Variants in ASPA observed in about 807,000 individuals in gnomAD.
ASPA encodes aspartoacylase.
A neutral mutation model predicts 29.6 loss-of-function variants in ASPA; 25 were observed. The ratio of observed to expected loss-of-function variants is 0.85; its 90% CI spans 0.62 to 1.18. The LOEUF (loss-of-function observed/expected upper bound fraction) is 1.18, where lower values mean the gene tolerates loss of function less well. ASPA is among the 50% of genes most tolerant of loss of function. ASPA has a pLI of 0.00. For missense variants in ASPA, 333 were observed against 385.7 expected (o/e 0.86, Z 1.14); for synonymous variants, 131 against 130.3 (o/e 1.01, Z -0.04).
At chr17:3,475,978 G>A (rs78603097), upstream of ASPA, 656 of 618,336 alleles carry the variant, frequency 1.1e-3, 5 homozygotes, top group East Asian at 0.017. Context: ...AAAGAAGGGA[G>A]TGTCCATAAA....
Position 3,502,928 on chromosome 17 carries a change from G to A in ASPA, c.*3840G>A, listed in dbSNP as rs2150767646. The A allele has an allele frequency of 6.6e-6, 1 of 152,324 alleles. No individual in the cohort carries two copies. Among genetic ancestry groups the A allele is most frequent in the East Asian group, 1.9e-4 (1 of 5,178 alleles). 9.4% of individuals were successfully genotyped at this position (152,324 alleles called of 1,614,324 possible). A position where few individuals can be genotyped will look rare whatever the true frequency, so the allele number is the denominator to read the frequency against. Reference sequence around the variant, plus strand: ...AACAACAGGGCACTGGACACACATAGAAATGTGACCCACAGCTATGGTTTG... The same window carrying A: ...AACAACAGGGCACTGGACACACATAAAAATGTGACCCACAGCTATGGTTTG... On this transcript the variant is annotated 3_prime_UTR_variant, in exon 6 of 6. Transcript: ENST00000263080.
At chr17:3,489,468 C>A in intron 4 of ASPA, 126 bp downstream of exon 4, 1 of 761,006 alleles carries the variant, frequency 1.3e-6, no homozygotes, top group Non-Finnish European at 2.3e-6. Context: ...TTCACTTCAG[C>A]TATTCCCCAA....
chr17:3,481,569 ATGT>A (rs2073627135), intron 1 of ASPA, 31 bp from the exon 2 acceptor site: 1 of 1,575,974 alleles, frequency 6.3e-7, no homozygotes, highest in South Asian at 1.1e-5. Context: ...TCAGGCACAG[ATGT>A]TGTTCATCTT....
intron 3 of ASPA, among the ~76,000 whole-genome samples, chr17:3,483,796 G>A (rs2073675046): frequency 6.6e-6 from 1 of 152,040 alleles, no homozygotes; most frequent in Non-Finnish European, 1.5e-5. Flanking sequence ...CCTAGTAGCT[G>A]GGATTACAGG....
intron 1 of ASPA, among the ~76,000 whole-genome samples, chr17:3,479,380 ATTAACTT>A (rs2073588747): frequency 6.6e-6 from 1 of 152,258 alleles, no homozygotes; most frequent in Admixed American, 6.5e-5. Context: ...TATTTCATGA[ATTAACTT>A]TTAAAATGTA....
chr17:3,480,749 T>A (rs1316291807), intron 1 of ASPA, among the ~76,000 whole-genome samples: 1 of 152,248 alleles, frequency 6.6e-6, no homozygotes, highest in Admixed American at 6.5e-5. Context: ...AGGGCTGTTA[T>A]CATCTTTGTT....
At chr17:3,477,545 C>T (rs576887420) in intron 1 of ASPA, among the ~76,000 whole-genome samples, 9 of 152,150 alleles carry the variant, frequency 5.9e-5, no homozygotes, top group East Asian at 3.9e-4. Context: ...CCTCCACCTC[C>T]GGGTTAAAGT....
At chr17:3,494,872 A>G (rs2073884313) in intron 5 of ASPA, among the ~76,000 whole-genome samples, 1 of 152,172 alleles carries the variant, frequency 6.6e-6, no homozygotes, top group Admixed American at 6.6e-5. Context: ...AAATACAGGG[A>G]CGGAAGTTAG....
chr17:3,478,026 A>G (rs973110660), intron 1 of ASPA, among the ~76,000 whole-genome samples: 1 of 151,880 alleles, frequency 6.6e-6, no homozygotes, highest in African/African-American at 2.4e-5. Flanking sequence ...ACTAAAAAAA[A>G]TACAAAAAAT....
intron 3 of ASPA, 46 bp downstream of exon 3, chr17:3,483,638 G>C: frequency 2.0e-6 from 3 of 1,497,344 alleles, no homozygotes; most frequent in Non-Finnish European, 2.8e-6. Context: ...ATATGTCCTA[G>C]CTGAAACTCA....
rs369335235 is a variant in ASPA, at chr17:3,490,879, G to A, written c.634+1537G>A. On this transcript the variant is annotated intron_variant, in intron 4 of 5. Transcript: ENST00000263080. The surrounding 1 kb of genome is among the most constrained non-coding windows in gnomAD (Gnocchi z 4.6). ...CCCCACCCCTTAACCCCTTATCTCTGCTTCAACCAGAGCTCTTCTGTGTAA... is the reference window on the plus strand; with the variant it reads ...CCCCACCCCTTAACCCCTTATCTCTACTTCAACCAGAGCTCTTCTGTGTAA... Among the ~76,000 whole-genome samples, 49 of 152,234 alleles carry A rather than the reference G, an allele frequency of 3.2e-4. No homozygotes were observed. In the South Asian group the frequency reaches 9.9e-3, roughly 31 times the overall value.
At position 3,488,844 on chromosome 17, in the gene ASPA, A is replaced by G. The variant is rs2073772311; in HGVS notation, c.527-391A>G. On this transcript the variant is annotated intron_variant, in intron 3 of 5. Coordinates refer to ENST00000263080, the MANE Select transcript of ASPA (RefSeq NM_000049.4). This position sits in a 1 kb window ranked among gnomAD's most constrained non-coding sequence, Gnocchi z 6.1. Reference sequence around the variant, plus strand: ...CTTCCTCCCGTCACAGCTAAATGTTAGATCTTAACAGTTTCTCTTCAGGTC... The same window carrying G: ...CTTCCTCCCGTCACAGCTAAATGTTGGATCTTAACAGTTTCTCTTCAGGTC... Among the ~76,000 whole-genome samples, 1 of 152,132 alleles carries G rather than the reference A, an allele frequency of 6.6e-6. No homozygotes were observed. The highest frequency in any genetic ancestry group is 6.5e-5 in the Admixed American group (1 of 15,274).
intron 2 of ASPA, among the ~76,000 whole-genome samples, chr17:3,482,354 A>G (rs762248799): frequency 3.3e-5 from 5 of 152,180 alleles, no homozygotes; most frequent in Non-Finnish European, 5.9e-5. Flanking sequence ...TCAGTACTTC[A>G]TAATCATTTT....
At chr17:3,476,874 C>T (rs373457073) in intron 1 of ASPA, among the ~76,000 whole-genome samples, 1 of 152,176 alleles carries the variant, frequency 6.6e-6, no homozygotes, top group Admixed American at 6.5e-5. Context: ...TGAATGAAAG[C>T]GTGATTAAAT....
At chr17:3,486,399 GATCCATGAAGA>G (rs1306155488) in intron 3 of ASPA, among the ~76,000 whole-genome samples, 2 of 152,168 alleles carry the variant, frequency 1.3e-5, no homozygotes, top group African/African-American at 4.8e-5. Flanking sequence ...ATATGCAGAA[GATCCATGAAGA>G]ATCCTCTCTC....
chr17:3,482,399 A>G lies in ASPA; in HGVS notation c.432+601A>G, dbSNP rs547187478. Among the ~76,000 whole-genome samples, 17 of 152,298 alleles carry G rather than the reference A, an allele frequency of 1.1e-4. No homozygotes were observed. In the South Asian group the frequency reaches 3.5e-3, roughly 32 times the overall value. On this transcript the variant is annotated intron_variant, in intron 2 of 5. Transcript: ENST00000263080. ...AAATCTCAGAGAAAATTTGCTAGAAAATAGCAACCAACCAGAAACACACAT... is the reference window on the plus strand; with the variant it reads ...AAATCTCAGAGAAAATTTGCTAGAAGATAGCAACCAACCAGAAACACACAT...
At chr17:3,479,330 T>A (rs533311772) in intron 1 of ASPA, among the ~76,000 whole-genome samples, 8 of 152,300 alleles carry the variant, frequency 5.3e-5, no homozygotes, top group Admixed American at 5.2e-4. Flanking sequence ...TGCGGAAGAA[T>A]GATATAGAAC....
intron 1 of ASPA, among the ~76,000 whole-genome samples, chr17:3,481,216 A>G (rs2073621753): frequency 6.6e-6 from 1 of 152,200 alleles, no homozygotes; most frequent in Admixed American, 6.5e-5. Context: ...TGGGGGAAAA[A>G]AAGATGCATT....
rs1188346322 is a variant in ASPA, at chr17:3,485,881, G to A, written c.526+2289G>A. Among the ~76,000 whole-genome samples the A allele has an allele frequency of 4.0e-5, 6 of 151,662 alleles. No individual in the cohort carries two copies. The highest frequency in any genetic ancestry group is 1.5e-4 in the African/African-American group (6 of 41,308). ...GCTCCAGTTCCCACAGGGTGACATA[G>A]AGAGAGCCAGATGGCAGCTATCCAT... is the stretch of plus-strand genomic sequence containing the variant. On this transcript the variant is annotated intron_variant, in intron 3 of 5. Transcript: ENST00000263080. The surrounding 1 kb of genome is among the most constrained non-coding windows in gnomAD (Gnocchi z 4.4).
Sources: allele counts gnomAD v4.1 joint callset (sites outside exome capture counted in the v4.1 genomes callset), GRCh38; gene constraint gnomAD v4.1.1; non-coding constraint Gnocchi (gnomAD v3.1); transcripts MANE v1.5; gene names NCBI Gene and HGNC (gene_info 2026-07-23, HGNC 2026-07-21).